Variants in STIM1 observed in about 807,000 individuals in gnomAD.
STIM1 encodes stromal interaction molecule 1.
In STIM1, 25 loss-of-function variants were observed where a neutral mutation model predicts 74.7. That is an observed-to-expected ratio of 0.33 (90% confidence interval 0.24 to 0.47). STIM1 has a LOEUF of 0.47. Among genes scored for constraint, STIM1 ranks in the 20% least tolerant of loss-of-function variants. The probability of loss-of-function intolerance (pLI) is 1.00; values close to 1 mark genes in which losing one functional copy is unlikely to be tolerated. For missense variants in STIM1, 728 were observed against 920.8 expected (o/e 0.79, Z 2.71); for synonymous variants, 328 against 348.8 (o/e 0.94, Z 0.66).
chr11:3,878,525 T>C (rs2091380768), intron 1 of STIM1, among the ~76,000 whole-genome samples: 1 of 152,172 alleles, frequency 6.6e-6, no homozygotes, highest in Non-Finnish European at 1.5e-5. Context: ...AACTGGGAAT[T>C]AAAGAGCTTT....
intron 1 of STIM1, among the ~76,000 whole-genome samples, chr11:3,929,974 C>T (rs749558182): frequency 1.1e-4 from 16 of 152,188 alleles, no homozygotes; most frequent in East Asian, 3.9e-4. Context: ...CTTCAGTGCC[C>T]GGACAACTGG....
At chr11:3,904,146 G>A (rs138731477) in intron 1 of STIM1, among the ~76,000 whole-genome samples, 1,802 of 141,544 alleles carry the variant, frequency 0.013, 44 homozygotes, top group African/African-American at 0.044. Flanking sequence ...GCAGTGAGCC[G>A]AGATCGCTCC....
intron 1 of STIM1, among the ~76,000 whole-genome samples, chr11:3,920,371 A>G (rs1490726542): frequency 6.6e-6 from 1 of 152,048 alleles, no homozygotes; most frequent in Non-Finnish European, 1.5e-5. Flanking sequence ...CACACTCCCT[A>G]TTCTCTATCC....
At chr11:4,061,261 A>G (rs2094328674) in intron 5 of STIM1, among the ~76,000 whole-genome samples, 1 of 152,204 alleles carries the variant, frequency 6.6e-6, no homozygotes, top group Admixed American at 6.5e-5. Context: ...GGATATCAGA[A>G]CCAACAAGAG....
At chr11:3,892,429 G>T in intron 1 of STIM1, 1 of 1,461,678 alleles carries the variant, frequency 6.8e-7, no homozygotes. Context: ...TGATCTTCTT[G>T]CTGGTCTTGC....
chr11:3,970,141 T>A (rs920276894), intron 2 of STIM1, among the ~76,000 whole-genome samples: 4 of 152,084 alleles, frequency 2.6e-5, no homozygotes, highest in Non-Finnish European at 5.9e-5. Flanking sequence ...TAAAATGTTC[T>A]TTTTAGAGGA....
At chr11:4,064,015 C>T (rs957344367) in intron 5 of STIM1, among the ~76,000 whole-genome samples, 1 of 152,158 alleles carries the variant, frequency 6.6e-6, no homozygotes, top group Non-Finnish European at 1.5e-5. Flanking sequence ...CAATTCAGTT[C>T]TGCCTAGATT....
chr11:4,012,918 A>G (rs2093853362), intron 2 of STIM1, among the ~76,000 whole-genome samples: 1 of 152,122 alleles, frequency 6.6e-6, no homozygotes, highest in South Asian at 2.1e-4. Flanking sequence ...TAGTTTATTG[A>G]GAGTGTTTAG....
intron 2 of STIM1, among the ~76,000 whole-genome samples, chr11:3,978,786 G>A (rs963665063): frequency 6.6e-6 from 1 of 151,962 alleles, no homozygotes; most frequent in South Asian, 2.1e-4. Context: ...TTTAGTGGGG[G>A]TAGAAATAGA....
chr11:4,051,101 A>G (rs1332511592), intron 3 of STIM1, among the ~76,000 whole-genome samples: 1 of 151,974 alleles, frequency 6.6e-6, no homozygotes, highest in African/African-American at 2.4e-5. Flanking sequence ...TGAAAAAAAA[A>G]TCCATGTATA....
intron 8 of STIM1, among the ~76,000 whole-genome samples, 184 bp from the exon 9 acceptor site, chr11:4,082,698 A>G (rs564689164): frequency 2.6e-5 from 4 of 152,050 alleles, no homozygotes; most frequent in South Asian, 2.1e-4. Flanking sequence ...CGCTTTCTCT[A>G]TTTTGTCCCC....
intron 1 of STIM1, among the ~76,000 whole-genome samples, chr11:3,906,557 A>C (rs531126489): frequency 2.6e-5 from 4 of 152,354 alleles, no homozygotes; most frequent in African/African-American, 9.6e-5. Flanking sequence ...TGATGTTTTA[A>C]TTATAAAATA....
intron 4 of STIM1, 43 bp downstream of exon 4, chr11:4,055,680 A>G (rs1015743409): frequency 1.1e-5 from 17 of 1,488,414 alleles, no homozygotes; most frequent in Admixed American, 2.0e-5. Context: ...GGTACGGGGA[A>G]TGGGCTGGAG....
chr11:4,040,383 G>A (rs1156662095), intron 3 of STIM1, among the ~76,000 whole-genome samples: 1 of 152,136 alleles, frequency 6.6e-6, no homozygotes, highest in Admixed American at 6.6e-5. Context: ...ATCCCATGGT[G>A]CTTTCATATA....
At chr11:4,039,455 C>T (rs1306196306) in intron 3 of STIM1, among the ~76,000 whole-genome samples, 4 of 151,522 alleles carry the variant, frequency 2.6e-5, no homozygotes, top group South Asian at 4.2e-4. Context: ...GGCATGGTGG[C>T]GGGCACCTGT....
intron 11 of STIM1, 97 bp downstream of exon 11, chr11:4,084,862 C>T (rs1209668129): frequency 9.3e-6 from 9 of 971,278 alleles, no homozygotes; most frequent in Non-Finnish European, 1.3e-5. Context: ...TGCTTCACGC[C>T]CCTGCCTGCT....
At chr11:3,965,583 C>G (rs982123928) in intron 1 of STIM1, among the ~76,000 whole-genome samples, 1 of 152,220 alleles carries the variant, frequency 6.6e-6, no homozygotes, top group Non-Finnish European at 1.5e-5. Context: ...GTATTCTGCT[C>G]TCTCCCTAAG....
At chr11:3,971,550 AC>A (rs1374094990) in intron 2 of STIM1, among the ~76,000 whole-genome samples, 1 of 152,054 alleles carries the variant, frequency 6.6e-6, no homozygotes, top group Non-Finnish European at 1.5e-5. Flanking sequence ...AAACAAAAAA[AC>A]AAAACAAAAC....
chr11:3,859,288 GCCGTGGAGAGGCCATT>G (rs1181246652), intron 1 of STIM1, among the ~76,000 whole-genome samples: 3 of 152,154 alleles, frequency 2.0e-5, no homozygotes, highest in Non-Finnish European at 4.4e-5. Context: ...CTCTCACTGG[GCCGTGGAGAGGCCATT>G]CCTGTCACCC....
Sources: allele counts gnomAD v4.1 joint callset (sites outside exome capture counted in the v4.1 genomes callset), GRCh38; gene constraint gnomAD v4.1.1; transcripts MANE v1.5; gene names NCBI Gene and HGNC (gene_info 2026-07-23, HGNC 2026-07-21).